Variants in SLC35F1 observed in about 807,000 individuals in gnomAD.
SLC35F1 encodes the protein chromosome 6 open reading frame 169.
Under a neutral mutation model 48.7 loss-of-function variants are expected in SLC35F1, and 14 were observed. The observed-to-expected ratio is 0.29, with a 90% CI of 0.19 to 0.45. SLC35F1 has a LOEUF of 0.45. Among genes scored for constraint, SLC35F1 ranks in the 20% least tolerant of loss-of-function variants. The pLI, the probability that SLC35F1 is intolerant of heterozygous loss-of-function variation, is 1.00. For synonymous variants in SLC35F1, 190 were observed against 202.2 expected, an observed-to-expected ratio of 0.94 and a Z score of 0.51; for missense variants, 404 against 500.0, an observed-to-expected ratio of 0.81 and a Z score of 1.83.
At chr6:118,235,747 A>G (rs540650666) in intron 3 of SLC35F1, 111 bp downstream of exon 3, 1 of 1,109,106 alleles carries the variant, frequency 9.0e-7, no homozygotes, top group East Asian at 2.5e-5. Context: ...ATACTATACT[A>G]TAGTATACAG....
chr6:118,126,132 C>T (rs936864662), intron 1 of SLC35F1, among the ~76,000 whole-genome samples: 1 of 152,184 alleles, frequency 6.6e-6, no homozygotes, highest in Non-Finnish European at 1.5e-5. Context: ...CCCCAGCACT[C>T]CCCTCACTAA....
chr6:118,181,238 A>G (rs972179031), intron 2 of SLC35F1, among the ~76,000 whole-genome samples: 9 of 152,158 alleles, frequency 5.9e-5, no homozygotes, highest in Admixed American at 5.9e-4. Flanking sequence ...ACAAATATTA[A>G]TTGTTCAAAT....
chr6:118,081,958 C>A (rs182271554), intron 1 of SLC35F1, among the ~76,000 whole-genome samples: 69 of 152,244 alleles, frequency 4.5e-4, no homozygotes, highest in African/African-American at 1.6e-3. Context: ...TTTTAAAGAC[C>A]CAAGGAATGA....
chr6:117,919,517 C>G (rs139073956), intron 1 of SLC35F1, among the ~76,000 whole-genome samples: 5 of 152,138 alleles, frequency 3.3e-5, no homozygotes, highest in South Asian at 4.2e-4. Flanking sequence ...GTGATAAATG[C>G]TGACCGGCTT....
intron 1 of SLC35F1, among the ~76,000 whole-genome samples, chr6:118,094,176 T>C (rs531142741): frequency 6.6e-6 from 1 of 152,258 alleles, no homozygotes; most frequent in African/African-American, 2.4e-5. Context: ...AGGGATACTT[T>C]CAAGAGCAAA....
chr6:118,137,291 G>A (rs970204319), intron 1 of SLC35F1, among the ~76,000 whole-genome samples: 24 of 152,206 alleles, frequency 1.6e-4, no homozygotes, highest in Non-Finnish European at 5.9e-5. Flanking sequence ...TGTTAAGGAT[G>A]CAAGATAATT....
At position 118,141,809 on chromosome 6, in the gene SLC35F1, A is replaced by G. The variant is rs1266251440; in HGVS notation, c.174-12636A>G. On this transcript the variant is annotated intron_variant, in intron 1 of 7. Coordinates refer to ENST00000360388, the MANE Select transcript of SLC35F1 (RefSeq NM_001029858.4). ...ATGGTTTGTAAATGGTTTCATCTGG[A>G]GAACACAATAAATGACTGCTTTCCC... Among the ~76,000 whole-genome samples the G allele has an allele frequency of 2.6e-5, 4 of 152,158 alleles. No homozygotes were observed. The East Asian group carries it at 7.7e-4, about 29-fold the overall frequency.
At chr6:118,130,980 A>G (rs11963467) in intron 1 of SLC35F1, among the ~76,000 whole-genome samples, 51,848 of 152,072 alleles carry the variant, frequency 0.34, 9,666 homozygotes, top group Non-Finnish European at 0.43. Context: ...ATTAATCTTC[A>G]TAAAATATCT....
chr6:118,060,995 C>T (rs1011344034), intron 1 of SLC35F1, among the ~76,000 whole-genome samples: 1 of 152,174 alleles, frequency 6.6e-6, no homozygotes, highest in African/African-American at 2.4e-5. Context: ...TTCTTTTTCT[C>T]TCTAGTAAAA....
chr6:118,304,268 A>T (rs1026158621), intron 7 of SLC35F1, among the ~76,000 whole-genome samples: 2 of 152,046 alleles, frequency 1.3e-5, no homozygotes, highest in African/African-American at 2.4e-5. Flanking sequence ...CTGAGGCAGG[A>T]CTGCTTGAGA....
intron 1 of SLC35F1, among the ~76,000 whole-genome samples, chr6:118,149,427 G>A (rs1195360341): frequency 2.0e-5 from 3 of 152,188 alleles, no homozygotes; most frequent in African/African-American, 7.2e-5. Flanking sequence ...GAACGAAAGA[G>A]AATTTGATCA....
At chr6:118,193,112 A>G (rs1473442532) in intron 2 of SLC35F1, among the ~76,000 whole-genome samples, 1 of 152,158 alleles carries the variant, frequency 6.6e-6, no homozygotes, top group African/African-American at 2.4e-5. Context: ...ATCTTTCATT[A>G]TCTTTTAATA....
chr6:118,205,393 A>G (rs1220493808), intron 2 of SLC35F1, among the ~76,000 whole-genome samples: 1 of 152,248 alleles, frequency 6.6e-6, no homozygotes, highest in Non-Finnish European at 1.5e-5. Flanking sequence ...TCTGGCTTTT[A>G]TGCTACTTTC....
intron 1 of SLC35F1, among the ~76,000 whole-genome samples, chr6:118,021,666 A>G (rs1219014796): frequency 6.6e-6 from 1 of 152,174 alleles, no homozygotes; most frequent in East Asian, 1.9e-4. Flanking sequence ...TGCACACACA[A>G]TTCTGTTGTC....
chr6:117,997,392 G>A (rs1562259218), intron 1 of SLC35F1, among the ~76,000 whole-genome samples: 1 of 152,100 alleles, frequency 6.6e-6, no homozygotes. Context: ...TAGCAAGGCA[G>A]GCCAACATTC....
chr6:117,930,190 C>T (rs1270671248), intron 1 of SLC35F1, among the ~76,000 whole-genome samples: 1 of 152,146 alleles, frequency 6.6e-6, no homozygotes, highest in East Asian at 1.9e-4. Context: ...GCAAACATGG[C>T]AATTTATTGT....
intron 1 of SLC35F1, among the ~76,000 whole-genome samples, chr6:117,980,454 T>C (rs1006172978): frequency 2.0e-5 from 3 of 152,208 alleles, no homozygotes; most frequent in Non-Finnish European, 2.9e-5. Flanking sequence ...GCCTGACTAA[T>C]TCAAAATACA....
chr6:117,928,408 G>A (rs1489189992), intron 1 of SLC35F1, among the ~76,000 whole-genome samples: 2 of 151,998 alleles, frequency 1.3e-5, no homozygotes, highest in African/African-American at 4.8e-5. Context: ...TATTTACTTA[G>A]GGAAGGGCCA....
chr6:118,268,305 T>C (rs1012358619), intron 4 of SLC35F1, among the ~76,000 whole-genome samples: 2 of 151,992 alleles, frequency 1.3e-5, no homozygotes, highest in African/African-American at 2.4e-5. Flanking sequence ...AGATACAACA[T>C]AGAACAAAAG....
Sources: allele counts gnomAD v4.1 joint callset (sites outside exome capture counted in the v4.1 genomes callset), GRCh38; gene constraint gnomAD v4.1.1; transcripts MANE v1.5; gene names NCBI Gene and HGNC (gene_info 2026-07-23, HGNC 2026-07-21).